TSPAN5: variants seen among roughly 807,000 people sequenced by gnomAD.
TSPAN5 encodes tetraspanin-5.
Under a neutral mutation model 37.1 loss-of-function variants are expected in TSPAN5, and 10 were observed. The ratio of observed to expected loss-of-function variants is 0.27; its 90% CI spans 0.17 to 0.46. The LOEUF (loss-of-function observed/expected upper bound fraction) is 0.46. Ranked by LOEUF, TSPAN5 falls within the 20% of genes least tolerant of loss-of-function variation. The pLI is 1.00. For missense variants in TSPAN5, 195 were observed against 326.6 expected, an observed-to-expected ratio of 0.60 and a Z score of 3.11; for synonymous variants, 110 against 118.9, an observed-to-expected ratio of 0.93 and a Z score of 0.48.
intron 1 of TSPAN5, among the ~76,000 whole-genome samples, chr4:98,512,600 A>T (rs1753634969): frequency 1.3e-5 from 2 of 152,192 alleles, no homozygotes; most frequent in African/African-American, 4.8e-5. Flanking sequence ...CTGGAGGGAC[A>T]CATCTGCCCC....
intron 1 of TSPAN5, among the ~76,000 whole-genome samples, chr4:98,545,855 A>C (rs889472532): frequency 6.6e-6 from 1 of 152,184 alleles, no homozygotes; most frequent in Non-Finnish European, 1.5e-5. Flanking sequence ...TAGGCTCAAC[A>C]TAAGTTATTT....
At chr4:98,488,458 A>G (rs1284618865) in intron 2 of TSPAN5, among the ~76,000 whole-genome samples, 1 of 152,192 alleles carries the variant, frequency 6.6e-6, no homozygotes, top group Non-Finnish European at 1.5e-5. Context: ...TAAAACTTAA[A>G]CCTAATTTTA....
intron 1 of TSPAN5, among the ~76,000 whole-genome samples, chr4:98,598,443 G>A (rs11732265): frequency 3.6e-3 from 537 of 151,042 alleles, no homozygotes; most frequent in Non-Finnish European, 5.9e-3. Flanking sequence ...GTTCCTATTC[G>A]GCCATCTTGG....
At chr4:98,591,351 T>C (rs1030190866) in intron 1 of TSPAN5, among the ~76,000 whole-genome samples, 1 of 132,128 alleles carries the variant, frequency 7.6e-6, no homozygotes, top group African/African-American at 3.0e-5. Flanking sequence ...GCAAGAACTG[T>C]ACACTAATAC....
intron 3 of TSPAN5, chr4:98,484,763 A>G: frequency 2.9e-6 from 1 of 343,312 alleles, no homozygotes; most frequent in South Asian, 2.4e-5. Context: ...GGAGTTCAAG[A>G]CCAGCCTGGC....
intron 1 of TSPAN5, among the ~76,000 whole-genome samples, chr4:98,537,826 G>A (rs6835899): frequency 0.093 from 14,226 of 152,302 alleles, 924 homozygotes; most frequent in East Asian, 0.17. Flanking sequence ...ATCCTACAAT[G>A]AAGAGCTGGC....
chr4:98,658,503 C>A lies in TSPAN5; in HGVS notation c.-277G>T. The A allele has an allele frequency of 4.4e-6, 1 of 225,686 alleles. No homozygotes were observed. Among genetic ancestry groups the A allele is most frequent in the South Asian group, 1.8e-4 (1 of 5,596 alleles). The allele number at this position is 225,686 out of a possible 1,614,324, so 14.0% of individuals were successfully genotyped here. On this transcript the variant is annotated 5_prime_UTR_variant, in exon 1 of 8. Transcript: ENST00000305798. The stretch of plus-strand genomic sequence containing the variant: ...AAGCCTCGCCGACGCTAGCCCCGAA[C>A]ACAAAGCGAGCGCCCGCGTCCGTGC...
At chr4:98,617,897 G>T (rs531108353) in intron 1 of TSPAN5, among the ~76,000 whole-genome samples, 1 of 152,322 alleles carries the variant, frequency 6.6e-6, no homozygotes, top group South Asian at 2.1e-4. Context: ...CATTTTCAAA[G>T]CTAGAGCTGG....
chr4:98,494,663 T>C (rs1753159856), intron 2 of TSPAN5, among the ~76,000 whole-genome samples: 1 of 152,014 alleles, frequency 6.6e-6, no homozygotes, highest in Admixed American at 6.6e-5. Flanking sequence ...ACTATTATAT[T>C]AATAATATAA....
At chr4:98,585,633 T>C (rs1308274294) in intron 1 of TSPAN5, among the ~76,000 whole-genome samples, 1 of 152,218 alleles carries the variant, frequency 6.6e-6, no homozygotes, top group African/African-American at 2.4e-5. Flanking sequence ...TCTATGTCCA[T>C]GTGTATCCAT....
At chr4:98,522,016 C>T (rs976092519) in intron 1 of TSPAN5, among the ~76,000 whole-genome samples, 3 of 152,148 alleles carry the variant, frequency 2.0e-5, no homozygotes, top group Non-Finnish European at 4.4e-5. Flanking sequence ...TTAAAAGTTC[C>T]TAAGAAATAA....
chr4:98,616,940 C>T (rs574284809), intron 1 of TSPAN5, among the ~76,000 whole-genome samples: 46 of 151,800 alleles, frequency 3.0e-4, no homozygotes, highest in African/African-American at 1.1e-3. Context: ...CCTCCCACCT[C>T]GACCTCCCGA....
chr4:98,642,585 T>G (rs1382468829), intron 1 of TSPAN5, among the ~76,000 whole-genome samples: 1 of 152,160 alleles, frequency 6.6e-6, no homozygotes, highest in Admixed American at 6.5e-5. Context: ...GTCATTTAGG[T>G]AGTTTCTCTT....
At chr4:98,650,542 TG>T (rs1363770077) in intron 1 of TSPAN5, among the ~76,000 whole-genome samples, 3 of 152,174 alleles carry the variant, frequency 2.0e-5, no homozygotes, top group African/African-American at 7.2e-5. Flanking sequence ...TTATAAAATA[TG>T]GAGAGGAAAA....
intron 1 of TSPAN5, among the ~76,000 whole-genome samples, chr4:98,547,111 G>C (rs548613451): frequency 6.6e-6 from 1 of 152,212 alleles, no homozygotes; most frequent in Non-Finnish European, 1.5e-5. Flanking sequence ...GAAACACCTC[G>C]CTGGCTCCCC....
chr4:98,656,232 T>G (rs1471397150), intron 1 of TSPAN5, among the ~76,000 whole-genome samples: 1 of 152,190 alleles, frequency 6.6e-6, no homozygotes, highest in Non-Finnish European at 1.5e-5. Flanking sequence ...CTCTATGCAC[T>G]CCACAGAATT....
intron 1 of TSPAN5, among the ~76,000 whole-genome samples, chr4:98,533,007 G>A: frequency 6.6e-6 from 1 of 152,176 alleles, no homozygotes; most frequent in East Asian, 1.9e-4. Flanking sequence ...ATTTGTGTAT[G>A]TTGAACCAGC....
At chr4:98,499,083 T>C (rs1753283438) in intron 2 of TSPAN5, among the ~76,000 whole-genome samples, 1 of 152,054 alleles carries the variant, frequency 6.6e-6, no homozygotes, top group Non-Finnish European at 1.5e-5. Flanking sequence ...GGCTGCCAGG[T>C]GGTCACCTGG....
chr4:98,638,731 G>A (rs866883975), intron 1 of TSPAN5, among the ~76,000 whole-genome samples: 1 of 152,096 alleles, frequency 6.6e-6, no homozygotes, highest in African/African-American at 2.4e-5. Flanking sequence ...TACCCTACTC[G>A]CAAGGTAATA....
Sources: gnomAD v4.1 joint callset for allele counts (sites outside exome capture counted in the v4.1 genomes callset) on GRCh38, gnomAD v4.1.1 for gene constraint, MANE v1.5 for transcripts, NCBI Gene and HGNC (gene_info 2026-07-23, HGNC 2026-07-21) for gene names.